ZFAT: variants seen among roughly 807,000 people sequenced by gnomAD.
ZFAT encodes zinc finger protein ZFAT.
In ZFAT, 64 loss-of-function variants were observed where a neutral mutation model predicts 117.7. That is an observed-to-expected ratio of 0.54 (90% confidence interval 0.44 to 0.67). The LOEUF is 0.67. Among genes scored for constraint, ZFAT ranks in the 30% least tolerant of loss-of-function variants. The probability of loss-of-function intolerance (pLI) is 0.00; values close to 1 mark genes in which losing one functional copy is unlikely to be tolerated. For missense variants in ZFAT, 1,433 were observed against 1,584.5 expected (o/e 0.90, Z 1.62); for synonymous variants, 679 against 615.0 (o/e 1.10, Z -1.54).
At chr8:134,620,971 C>T (rs1418958500) in intron 3 of ZFAT, among the ~76,000 whole-genome samples, 1 of 152,118 alleles carries the variant, frequency 6.6e-6, no homozygotes, top group Non-Finnish European at 1.5e-5. Flanking sequence ...AAATATCCTG[C>T]TTCTTCATGT....
Position 134,579,937 on chromosome 8 carries a change from G to A in ZFAT, c.2887+3895C>T, listed in dbSNP as rs149824472. Reference sequence around the variant, plus strand: ...TGCACTCCAGCCTAGCTGACAAAGTGAGACTCTGACACAGGGAACAAAAAA... The same window carrying A: ...TGCACTCCAGCCTAGCTGACAAAGTAAGACTCTGACACAGGGAACAAAAAA... On this transcript the variant is annotated intron_variant, in intron 10 of 15. Coordinates refer to ENST00000377838, the MANE Select transcript of ZFAT (RefSeq NM_020863.4). Among the ~76,000 whole-genome samples the A allele has an allele frequency of 2.3e-3, 335 of 144,434 alleles. 2 individuals are homozygous for A. Among genetic ancestry groups the A allele is most frequent in the Middle Eastern group, 0.014 (4 of 276 alleles). 94.8% of individuals were successfully genotyped at this position (144,434 alleles called of 152,430 possible).
At chr8:134,490,716 A>T (rs1277913040) in intron 15 of ZFAT, among the ~76,000 whole-genome samples, 1 of 152,206 alleles carries the variant, frequency 6.6e-6, no homozygotes. Flanking sequence ...CTCAGGATGG[A>T]CACTGAAATT....
At chr8:134,523,935 T>C (rs970394580) in intron 12 of ZFAT, among the ~76,000 whole-genome samples, 10 of 152,224 alleles carry the variant, frequency 6.6e-5, no homozygotes, top group Non-Finnish European at 1.5e-4. Flanking sequence ...TATTATTATC[T>C]TTCCTACACA....
At chr8:134,527,019 GA>G (rs1821071096) in intron 12 of ZFAT, among the ~76,000 whole-genome samples, 1 of 152,114 alleles carries the variant, frequency 6.6e-6, no homozygotes, top group South Asian at 2.1e-4. Flanking sequence ...AGGATCTTGA[GA>G]GGGGGAGGTC....
At chr8:134,818,425 C>T in the ZFAT span, among the ~76,000 whole-genome samples, 1 of 152,164 alleles carries the variant, frequency 6.6e-6, no homozygotes, top group Non-Finnish European at 1.5e-5. Context: ...CCACTACTCA[C>T]TAATTAGAAT....
intron 11 of ZFAT, among the ~76,000 whole-genome samples, chr8:134,549,309 C>T (rs1822952509): frequency 6.6e-6 from 1 of 152,060 alleles, no homozygotes; most frequent in Non-Finnish European, 1.5e-5. Context: ...GGCGTGGGGG[C>T]AGGCACCTGT....
chr8:134,748,695 T>C, the ZFAT span, among the ~76,000 whole-genome samples: 1 of 152,216 alleles, frequency 6.6e-6, no homozygotes, highest in South Asian at 2.1e-4. Context: ...GGATTATGAG[T>C]TTCTAAATCT....
intron 7 of ZFAT, chr8:134,599,758 T>G: frequency 2.2e-6 from 1 of 456,124 alleles, no homozygotes; most frequent in South Asian, 1.6e-5. Flanking sequence ...CCTTTATAAC[T>G]TGAAGAAGTC....
intron 1 of ZFAT, among the ~76,000 whole-genome samples, chr8:134,664,571 G>T (rs1347642649): frequency 6.6e-6 from 1 of 152,250 alleles, no homozygotes; most frequent in African/African-American, 2.4e-5. Context: ...CCTCCCACGG[G>T]GAGGGCAGCT....
At chr8:134,713,107 C>T (rs1814089214), upstream of ZFAT, 4 of 407,366 alleles carry the variant, frequency 9.8e-6, no homozygotes, top group African/African-American at 4.1e-5. Context: ...CCTCCCCCGG[C>T]GCCGAGCGCG....
the ZFAT span, chr8:134,766,701 C>CCATAT: frequency 6.6e-6 from 1 of 152,154 alleles, no homozygotes; most frequent in Non-Finnish European, 1.5e-5. Context: ...TAAATTATAA[C>CCATAT]CATATAATGT....
chr8:134,617,669 G>A (rs1828840169), intron 3 of ZFAT, among the ~76,000 whole-genome samples: 1 of 152,092 alleles, frequency 6.6e-6, no homozygotes, highest in Non-Finnish European at 1.5e-5. Flanking sequence ...AACCACTCTG[G>A]GAACAGAGAC....
chr8:134,576,803 A>G (rs7812955), intron 10 of ZFAT, among the ~76,000 whole-genome samples: 17,541 of 152,180 alleles, frequency 0.12, 1,251 homozygotes, highest in East Asian at 0.37. Context: ...TAATTTCCAT[A>G]CTCAACTCTC....
At chr8:134,677,870 T>C (rs1050863672) in intron 1 of ZFAT, among the ~76,000 whole-genome samples, 1 of 152,148 alleles carries the variant, frequency 6.6e-6, no homozygotes, top group Non-Finnish European at 1.5e-5. Context: ...CAATAGACGC[T>C]GAAAAGGCCT....
At chr8:134,781,176 A>C in the ZFAT span, among the ~76,000 whole-genome samples, 2 of 152,074 alleles carry the variant, frequency 1.3e-5, no homozygotes, top group Admixed American at 6.5e-5. Context: ...CCCAGGCTAG[A>C]GTGCAGTCGC....
At chr8:134,777,090 T>C in the ZFAT span, among the ~76,000 whole-genome samples, 4 of 152,210 alleles carry the variant, frequency 2.6e-5, no homozygotes, top group Non-Finnish European at 5.9e-5. Context: ...TTCTGTAACC[T>C]TGGGTAAATC....
At chr8:134,787,557 C>G in the ZFAT span, among the ~76,000 whole-genome samples, 65 of 152,136 alleles carry the variant, frequency 4.3e-4, no homozygotes, top group African/African-American at 1.4e-3. Context: ...TATCCTTATG[C>G]CAGCCAACAA....
chr8:134,603,257 A>G (rs1488416652), intron 5 of ZFAT, among the ~76,000 whole-genome samples: 1 of 152,182 alleles, frequency 6.6e-6, no homozygotes, highest in East Asian at 1.9e-4. Context: ...AAACTTGAGG[A>G]AGAGATGTCT....
rs188112457 is a variant in ZFAT, at chr8:134,491,313, C to A, written c.3493-12592G>T. Among the ~76,000 whole-genome samples the A allele has an allele frequency of 2.2e-3, 340 of 152,370 alleles. 1 individual carries two copies. Among genetic ancestry groups the A allele is most frequent in the South Asian group, 0.011 (51 of 4,828 alleles). On this transcript the variant is annotated intron_variant, in intron 15 of 15. Coordinates refer to ENST00000377838, the MANE Select transcript of ZFAT (RefSeq NM_020863.4). ...CACACTAGTAGTCTCACCCTCAAGTCACAATGTGCTCTTGGCCTGTGCTTG... is the reference window on the plus strand; with the variant it reads ...CACACTAGTAGTCTCACCCTCAAGTAACAATGTGCTCTTGGCCTGTGCTTG...
Sources: allele counts gnomAD v4.1 joint callset (sites outside exome capture counted in the v4.1 genomes callset), GRCh38; gene constraint gnomAD v4.1.1; transcripts MANE v1.5; gene names NCBI Gene and HGNC (gene_info 2026-07-23, HGNC 2026-07-21).